The following TASP1 variants were observed in gnomAD, a reference collection of about 807,000 sequenced individuals.
The protein encoded by TASP1 is taspase 1.
A neutral mutation model predicts 56.6 loss-of-function variants in TASP1; 16 were observed. The ratio of observed to expected loss-of-function variants is 0.28; its 90% CI spans 0.19 to 0.43. TASP1 has a LOEUF of 0.43. Ranked by LOEUF, TASP1 falls within the 20% of genes least tolerant of loss-of-function variation. The probability of loss-of-function intolerance (pLI) is 1.00; values close to 1 mark genes in which losing one functional copy is unlikely to be tolerated. For synonymous variants in TASP1, 179 were observed against 184.2 expected, an observed-to-expected ratio of 0.97 and a Z score of 0.23; for missense variants, 393 against 511.6, an observed-to-expected ratio of 0.77 and a Z score of 2.24.
chr20:13,561,540 T>C (rs1227883670), intron 7 of TASP1, among the ~76,000 whole-genome samples: 1 of 152,082 alleles, frequency 6.6e-6, no homozygotes, highest in Non-Finnish European at 1.5e-5. Flanking sequence ...TAATTTTTTG[T>C]ATTTTTAGTA....
chr20:13,464,708 A>T lies in TASP1; in HGVS notation c.985+18519T>A, dbSNP rs2044182351. Among the ~76,000 whole-genome samples the T allele has an allele frequency of 2.0e-5, 3 of 152,166 alleles. No individual in the cohort carries two copies. The South Asian group carries it at 6.2e-4, about 32-fold the overall frequency. ...AGAGGTACCCAGAGTAGCCAAATTC[A>T]TTAGGATAAAAAGTAGAATGATAGT... is the stretch of plus-strand genomic sequence containing the variant. On this transcript the variant is annotated intron_variant, in intron 11 of 13. Transcript: ENST00000337743.
chr20:13,460,703 C>G (rs2044022432), intron 11 of TASP1, among the ~76,000 whole-genome samples: 1 of 152,106 alleles, frequency 6.6e-6, no homozygotes, highest in Non-Finnish European at 1.5e-5. Context: ...TTCTCTTTAT[C>G]TTTCACCCTA....
At chr20:13,477,205 A>T (rs2042977987) in intron 11 of TASP1, among the ~76,000 whole-genome samples, 1 of 152,158 alleles carries the variant, frequency 6.6e-6, no homozygotes, top group Non-Finnish European at 1.5e-5. Flanking sequence ...AATTGTCGAC[A>T]GCACTCTACA....
rs950008422 is a variant in TASP1 at position 13,580,804 on chromosome 20, G to A, written c.488+93C>T. 5 of 1,231,188 alleles carry A rather than the reference G, an allele frequency of 4.1e-6. No individual in the cohort carries two copies. In the African/African-American group the frequency reaches 7.5e-5, roughly 19 times the overall value. The allele number at this position is 1,231,188 out of a possible 1,614,324, so 76.3% of individuals were successfully genotyped here. On this transcript the variant is annotated intron_variant, in intron 6 of 13. Transcript: ENST00000337743. ...GAACAAAGTTTGTCTTCTTCGCAAA[G>A]GCATGCTACCTGGTATGTAACCAAC...
chr20:13,528,534 A>G (rs1202280215), intron 9 of TASP1, 23 bp from the exon 10 acceptor site: 7 of 1,575,132 alleles, frequency 4.4e-6, no homozygotes, highest in Non-Finnish European at 6.0e-6. Flanking sequence ...GAAAATAGAT[A>G]TAATATTTCA....
intron 11 of TASP1, among the ~76,000 whole-genome samples, chr20:13,435,729 A>G (rs1304953394): frequency 6.6e-6 from 1 of 152,188 alleles, no homozygotes; most frequent in Non-Finnish European, 1.5e-5. Context: ...CATTGTGAAC[A>G]TTTCAAGAAC....
the TASP1 span, among the ~76,000 whole-genome samples, chr20:13,191,020 A>G: frequency 6.6e-6 from 1 of 152,332 alleles, no homozygotes; most frequent in East Asian, 1.9e-4. Flanking sequence ...ATCATCAAGG[A>G]AAAGCAAATT....
Position 13,605,554 on chromosome 20 carries a change from C to T in TASP1, c.282+17892G>A, listed in dbSNP as rs1252744521. Among the ~76,000 whole-genome samples, 6 of 151,942 alleles carry T rather than the reference C, an allele frequency of 3.9e-5. No individual in the cohort carries two copies. In the East Asian group the frequency reaches 9.6e-4, roughly 24 times the overall value. ...AAATAGCTGGGCATGGTGGTGCATGCCTGTAGTCCCAGCTGCTCGGGAGGG... is the reference window on the plus strand; with the variant it reads ...AAATAGCTGGGCATGGTGGTGCATGTCTGTAGTCCCAGCTGCTCGGGAGGG... On this transcript the variant is annotated intron_variant, in intron 4 of 13. Transcript: ENST00000337743.
chr20:13,544,494 T>C (rs957379417), intron 8 of TASP1, among the ~76,000 whole-genome samples: 3 of 152,144 alleles, frequency 2.0e-5, no homozygotes, highest in African/African-American at 4.8e-5. Context: ...TTTTACTTCA[T>C]AGAGGCATGT....
At chr20:13,176,844 G>T in the TASP1 span, among the ~76,000 whole-genome samples, 15 of 152,266 alleles carry the variant, frequency 9.9e-5, no homozygotes, top group African/African-American at 3.6e-4. Context: ...AAATTAATAA[G>T]TTTATCCCAC....
At chr20:13,354,438 G>A in the TASP1 span, among the ~76,000 whole-genome samples, 1 of 152,312 alleles carries the variant, frequency 6.6e-6, no homozygotes, top group Non-Finnish European at 1.5e-5. Flanking sequence ...CAAAGGATTG[G>A]AAATGAGATT....
At chr20:13,198,845 T>TC in the TASP1 span, among the ~76,000 whole-genome samples, 1 of 140,990 alleles carries the variant, frequency 7.1e-6, no homozygotes, top group Non-Finnish European at 1.6e-5. Flanking sequence ...TTTCTTTCTT[T>TC]CTTTCTTTCT....
chr20:13,364,017 G>A, the TASP1 span, among the ~76,000 whole-genome samples: 1 of 151,740 alleles, frequency 6.6e-6, no homozygotes. Flanking sequence ...TCACAAAAAA[G>A]GTTTAATCCC....
At chr20:13,286,829 T>G in the TASP1 span, among the ~76,000 whole-genome samples, 1 of 152,228 alleles carries the variant, frequency 6.6e-6, no homozygotes, top group Non-Finnish European at 1.5e-5. Flanking sequence ...TGGGCCTATG[T>G]AATAACAATC....
chr20:13,140,327 C>T, the TASP1 span, among the ~76,000 whole-genome samples: 1 of 152,166 alleles, frequency 6.6e-6, no homozygotes, highest in South Asian at 2.1e-4. Flanking sequence ...TCACTCAGCT[C>T]TCCTTGGGTA....
intron 10 of TASP1, among the ~76,000 whole-genome samples, chr20:13,490,435 A>G (rs908125236): frequency 2.0e-5 from 3 of 152,162 alleles, no homozygotes; most frequent in African/African-American, 7.2e-5. Flanking sequence ...CAAAACCCCA[A>G]GGAAACTAGA....
intron 13 of TASP1, 73 bp downstream of exon 13, chr20:13,417,375 A>AT: frequency 6.5e-7 from 1 of 1,538,210 alleles, no homozygotes; most frequent in Non-Finnish European, 8.9e-7. Flanking sequence ...ATTCATCCAC[A>AT]TCAACTTAGC....
At chr20:13,612,340 T>C (rs2048373959) in intron 4 of TASP1, among the ~76,000 whole-genome samples, 2 of 152,148 alleles carry the variant, frequency 1.3e-5, no homozygotes, top group African/African-American at 4.8e-5. Flanking sequence ...AGTCATGGTA[T>C]TTTTCTCAAA....
chr20:13,561,840 T>C (rs1225534531), intron 7 of TASP1, among the ~76,000 whole-genome samples: 1 of 151,742 alleles, frequency 6.6e-6, no homozygotes, highest in Non-Finnish European at 1.5e-5. Flanking sequence ...TAGAGTGTTA[T>C]AATTTTAGAA....
Sources: gnomAD v4.1 joint callset for allele counts (sites outside exome capture counted in the v4.1 genomes callset) on GRCh38, gnomAD v4.1.1 for gene constraint, MANE v1.5 for transcripts, NCBI Gene and HGNC (gene_info 2026-07-23, HGNC 2026-07-21) for gene names.